IL15: variants seen among roughly 807,000 people sequenced by gnomAD.
The protein encoded by IL15 is interleukin 15.
Under a neutral mutation model 19.6 loss-of-function variants are expected in IL15, and 11 were observed. That is an observed-to-expected ratio of 0.56 (90% CI 0.35 to 0.93). IL15 has a LOEUF of 0.93. Among genes scored for constraint, IL15 ranks in the 40% least tolerant of loss-of-function variants. The pLI is 0.01. For synonymous variants in IL15, 58 were observed against 59.6 expected (o/e 0.97, Z 0.12); for missense variants, 197 against 186.5 (o/e 1.06, Z -0.33).
intron 2 of IL15, among the ~76,000 whole-genome samples, chr4:141,684,238 C>T (rs1728635980): frequency 6.6e-6 from 1 of 152,074 alleles, no homozygotes; most frequent in Admixed American, 6.5e-5. Context: ...AAAGATTGAC[C>T]ACTGATGACC....
At chr4:141,673,168 G>T (rs552379086) in intron 2 of IL15, among the ~76,000 whole-genome samples, 135 of 152,298 alleles carry the variant, frequency 8.9e-4, no homozygotes, top group African/African-American at 3.1e-3. Context: ...GGGGTAGAAT[G>T]TAATAAAATT....
At chr4:141,644,370 A>C (rs1727151123) in intron 1 of IL15, among the ~76,000 whole-genome samples, 2 of 152,130 alleles carry the variant, frequency 1.3e-5, no homozygotes, top group African/African-American at 4.8e-5. Flanking sequence ...AATCTGGGCT[A>C]CTTTCGGCTG....
At chr4:141,667,411 G>T (rs1345504637) in intron 2 of IL15, among the ~76,000 whole-genome samples, 1 of 152,158 alleles carries the variant, frequency 6.6e-6, no homozygotes, top group Non-Finnish European at 1.5e-5. Context: ...AGAGAGTTGG[G>T]TGTCCACTGC....
intron 2 of IL15, among the ~76,000 whole-genome samples, chr4:141,704,998 TG>T (rs1333299111): frequency 6.6e-6 from 1 of 151,940 alleles, no homozygotes; most frequent in African/African-American, 2.4e-5. Flanking sequence ...AAAGGTTTGT[TG>T]ATTTTTATCT....
At chr4:141,682,567 A>T (rs1002102692) in intron 2 of IL15, among the ~76,000 whole-genome samples, 2 of 152,164 alleles carry the variant, frequency 1.3e-5, no homozygotes, top group Non-Finnish European at 2.9e-5. Flanking sequence ...AAGAACGGAG[A>T]CTTTTTTCTC....
intron 2 of IL15, among the ~76,000 whole-genome samples, chr4:141,666,211 C>A (rs1167315055): frequency 2.6e-5 from 4 of 152,130 alleles, no homozygotes; most frequent in African/African-American, 4.8e-5. Context: ...CGCCATTCTC[C>A]TGCCTCAGCC....
chr4:141,683,494 C>A (rs1408548368), intron 2 of IL15, among the ~76,000 whole-genome samples: 3 of 151,242 alleles, frequency 2.0e-5, no homozygotes, highest in Non-Finnish European at 2.9e-5. Context: ...TTGCTTGACC[C>A]TGGGAGGCGG....
chr4:141,690,600 G>A (rs1352398280), intron 2 of IL15, among the ~76,000 whole-genome samples: 4 of 152,052 alleles, frequency 2.6e-5, no homozygotes, highest in Admixed American at 2.0e-4. Context: ...GTTCTTATGC[G>A]GACTACTACA....
At chr4:141,701,867 G>A (rs576620505) in intron 2 of IL15, among the ~76,000 whole-genome samples, 1 of 152,192 alleles carries the variant, frequency 6.6e-6, no homozygotes, top group East Asian at 1.9e-4. Context: ...CTCTTTTCAT[G>A]TGTAGGAATG....
intron 5 of IL15, 40 bp from the exon 6 acceptor site, chr4:141,727,900 G>A: frequency 1.2e-6 from 1 of 826,136 alleles, no homozygotes; most frequent in Non-Finnish European, 2.0e-6. Context: ...TTTAAAGCAG[G>A]GCATAGTTTT....
intron 2 of IL15, among the ~76,000 whole-genome samples, chr4:141,713,330 C>T (rs1489409256): frequency 6.6e-6 from 1 of 152,154 alleles, no homozygotes; most frequent in Non-Finnish European, 1.5e-5. Flanking sequence ...TCAAAACCGA[C>T]TAGTTATTTA....
intron 1 of IL15, among the ~76,000 whole-genome samples, chr4:141,646,111 G>A (rs796616554): frequency 3.9e-5 from 6 of 152,144 alleles, no homozygotes; most frequent in African/African-American, 1.4e-4. Flanking sequence ...ATGTTCATGG[G>A]GGGAAGGCAC....
chr4:141,666,724 C>T (rs907706265), intron 2 of IL15, among the ~76,000 whole-genome samples: 3 of 152,018 alleles, frequency 2.0e-5, no homozygotes, highest in Non-Finnish European at 4.4e-5. Context: ...AATATACTCT[C>T]ATCTTCCCCC....
intron 1 of IL15, among the ~76,000 whole-genome samples, chr4:141,653,320 T>C (rs1727475264): frequency 1.3e-5 from 2 of 152,222 alleles, no homozygotes; most frequent in African/African-American, 4.8e-5. Context: ...CCAAATTTTC[T>C]TCATATATGA....
At chr4:141,652,983 T>A (rs920312101) in intron 1 of IL15, among the ~76,000 whole-genome samples, 11 of 152,172 alleles carry the variant, frequency 7.2e-5, no homozygotes, top group Non-Finnish European at 1.3e-4. Flanking sequence ...TCATTACAAA[T>A]TCTCATCTGG....
chr4:141,718,327 G>A, intron 2 of IL15: 1 of 151,934 alleles, frequency 6.6e-6, no homozygotes, highest in Non-Finnish European at 1.5e-5. Context: ...AAGGGATGTA[G>A]GGAATTTAAG....
chr4:141,707,199 T>A (rs1263549078), intron 2 of IL15, among the ~76,000 whole-genome samples: 5 of 152,108 alleles, frequency 3.3e-5, no homozygotes, highest in African/African-American at 1.2e-4. Flanking sequence ...TTGTTAAAAA[T>A]TTCACTTGTA....
At chr4:141,702,346 G>A (rs62327424) in intron 2 of IL15, among the ~76,000 whole-genome samples, 16,651 of 152,176 alleles carry the variant, frequency 0.11, 1,542 homozygotes, top group East Asian at 0.42. Context: ...CACCCAGTAG[G>A]GCTACCAGAC....
At chr4:141,718,404 A>T (rs1014618712) in intron 2 of IL15, 1 of 152,200 alleles carries the variant, frequency 6.6e-6, no homozygotes, top group Non-Finnish European at 1.5e-5. Flanking sequence ...CTGAGATAAT[A>T]TAGACAAAGG....
Sources: gnomAD v4.1 joint callset for allele counts (sites outside exome capture counted in the v4.1 genomes callset) on GRCh38, gnomAD v4.1.1 for gene constraint, MANE v1.5 for transcripts, NCBI Gene and HGNC (gene_info 2026-07-23, HGNC 2026-07-21) for gene names.